BBOF1: variants seen among roughly 807,000 people sequenced by gnomAD.
BBOF1 encodes basal body orientation factor 1.
Under a neutral mutation model 68.0 loss-of-function variants are expected in BBOF1, and 62 were observed. The ratio of observed to expected loss-of-function variants is 0.91; its 90% CI spans 0.74 to 1.13. The LOEUF (loss-of-function observed/expected upper bound fraction) is 1.13. BBOF1 is among the 50% of genes most tolerant of loss of function. The pLI, the probability that BBOF1 is intolerant of heterozygous loss-of-function variation, is 0.00. For missense variants in BBOF1, 534 were observed against 600.1 expected, an observed-to-expected ratio of 0.89 and a Z score of 1.15; for synonymous variants, 208 against 198.8, an observed-to-expected ratio of 1.05 and a Z score of -0.39.
intron 11 of BBOF1, chr14:74,059,626 C>A (rs139735554): frequency 3.4e-5 from 8 of 235,394 alleles, no homozygotes; most frequent in African/African-American, 1.6e-4. Context: ...ACCTGGGAGG[C>A]GGAGGTTGCG....
intron 9 of BBOF1, among the ~76,000 whole-genome samples, chr14:74,076,607 GCT>G (rs1197459979): frequency 6.6e-6 from 1 of 152,120 alleles, no homozygotes; most frequent in Admixed American, 6.6e-5. Flanking sequence ...CATGACCTTG[GCT>G]CACTGCAACC....
chr14:74,036,043 C>T (rs985278428), intron 4 of BBOF1, among the ~76,000 whole-genome samples: 3 of 151,792 alleles, frequency 2.0e-5, no homozygotes. Context: ...TACAGGAATA[C>T]TTTTAAAATA....
At chr14:74,021,478 TAC>T (rs2140934960) in intron 1 of BBOF1, among the ~76,000 whole-genome samples, 1 of 152,060 alleles carries the variant, frequency 6.6e-6, no homozygotes, top group Non-Finnish European at 1.5e-5. Flanking sequence ...TAGTCACAGT[TAC>T]TTAGGAGGCT....
chr14:74,034,613 C>A (rs184717626), intron 4 of BBOF1, among the ~76,000 whole-genome samples: 1 of 152,154 alleles, frequency 6.6e-6, no homozygotes, highest in Non-Finnish European at 1.5e-5. Flanking sequence ...ATTTATGTTA[C>A]CTTTCTGTGC....
Position 74,049,858 on chromosome 14 carries a change from G to C in BBOF1, c.949G>C (p.Ala317Pro), listed in dbSNP as rs759037838. Residue 317 changes from alanine (A) to proline (P), a missense_variant, in exon 8 of 12, where the codon GCA becomes CCA. By Grantham distance (27) the Ala-to-Pro change is conservative. Coordinates refer to ENST00000394009, the MANE Select transcript of BBOF1 (RefSeq NM_025057.3). ...TGAAGTTTTAAAACTGCAGCAACAC[G>C]CAATGATAGAGAACCAAGCAGGTCA... ...ESEVLKLQQH[A>P]MIENQAGQVE... The C allele has an allele frequency of 6.2e-7, 1 of 1,613,990 alleles. No individual in the cohort carries two copies. Among genetic ancestry groups the C allele is most frequent in the Non-Finnish European group, 8.5e-7 (1 of 1,180,040 alleles).
Position 74,040,607 on chromosome 14 carries a change from A to T in BBOF1, c.538A>T (p.Thr180Ser). 1 of 1,595,936 alleles carries T rather than the reference A, an allele frequency of 6.3e-7. No individual in the cohort carries two copies. Among genetic ancestry groups the T allele is most frequent in the East Asian group, 2.2e-5 (1 of 44,482 alleles). ...AAACACAGAGCGGATACATCAGGAG[A>T]CTCTTAGAAGACTGGAAAGCAGATT... Reference protein sequence around the residue: ...LRNTERIHQETLRRLESRFFE... With the variant: ...LRNTERIHQESLRRLESRFFE... Residue 180 changes from threonine (T) to serine (S), a missense_variant, in exon 5 of 12, where the codon ACT becomes TCT. By Grantham distance (58) the Thr-to-Ser change is moderately conservative (BLOSUM62 1). Transcript: ENST00000394009.
chr14:74,082,439 G>A (rs2060679582), intron 12 of BBOF1, among the ~76,000 whole-genome samples: 1 of 112,322 alleles, frequency 8.9e-6, no homozygotes, highest in Non-Finnish European at 1.6e-5. Flanking sequence ...TTGCTCTGTC[G>A]CCCAGGCTGG....
chr14:74,019,671 C>A, intron 1 of BBOF1, 137 bp downstream of exon 1: 1 of 1,403,328 alleles, frequency 7.1e-7, no homozygotes, highest in Non-Finnish European at 9.6e-7. Flanking sequence ...AGGATTACAG[C>A]TCCCATGTCC....
chr14:74,047,639 A>T (rs529190150), intron 6 of BBOF1, among the ~76,000 whole-genome samples: 170 of 152,010 alleles, frequency 1.1e-3, no homozygotes, highest in Admixed American at 2.3e-3. Flanking sequence ...GGGTCTCACT[A>T]TGTTGCCTAG....
chr14:74,081,700 T>C (rs1209035520), intron 12 of BBOF1, among the ~76,000 whole-genome samples: 3 of 152,172 alleles, frequency 2.0e-5, no homozygotes, highest in Admixed American at 2.0e-4. Context: ...ACTTGGCTCT[T>C]TCCCTAGGTC....
At position 74,055,622 on chromosome 14, in the gene BBOF1, C is replaced by A. The variant is rs749768283; in HGVS notation, c.1325C>A (p.Thr442Asn). ...GGAAATGTGGATATTGGAGATTTGACCTGGGAGCAGAAGGAAAAAGTATTG... is the reference window on the plus strand; with the variant it reads ...GGAAATGTGGATATTGGAGATTTGAACTGGGAGCAGAAGGAAAAAGTATTG... ...IEGNVDIGDL[T>N]WEQKEKVLRL... Residue 442 changes from threonine (T) to asparagine (N), a missense_variant, in exon 9 of 12, where the codon ACC becomes AAC. Transcript: ENST00000394009. 5 of 1,613,742 alleles carry A rather than the reference C, an allele frequency of 3.1e-6. No homozygotes were observed. The East Asian group carries it at 1.1e-4, about 36-fold the overall frequency.
chr14:74,060,375 G>T, intron 11 of BBOF1: 1 of 420,030 alleles, frequency 2.4e-6, no homozygotes, highest in Non-Finnish European at 4.4e-6. Flanking sequence ...TAGAAATCAG[G>T]TTTAAGCACT....
At chr14:74,038,642 T>C (rs542429911) in intron 4 of BBOF1, among the ~76,000 whole-genome samples, 7 of 152,172 alleles carry the variant, frequency 4.6e-5, no homozygotes, top group Non-Finnish European at 8.8e-5. Flanking sequence ...TAGAATTCAT[T>C]ATACAAATTA....
chr14:74,052,995 G>C (rs1353633984), intron 8 of BBOF1, among the ~76,000 whole-genome samples: 1 of 150,376 alleles, frequency 6.6e-6, no homozygotes, highest in African/African-American at 2.4e-5. Context: ...TGATGCCACT[G>C]CACTCCAGCC....
chr14:74,025,602 A>G (rs1250064873), intron 2 of BBOF1, among the ~76,000 whole-genome samples: 2 of 152,206 alleles, frequency 1.3e-5, no homozygotes, highest in African/African-American at 4.8e-5. Context: ...TCACAGAATA[A>G]TCTCATTAAA....
intron 12 of BBOF1, among the ~76,000 whole-genome samples, chr14:74,082,393 G>GTTTTT (rs869211328): frequency 2.1e-4 from 16 of 77,604 alleles, no homozygotes; most frequent in East Asian, 5.7e-4. Context: ...CAAAATCGAG[G>GTTTTT]TTTTTTTTTT....
chr14:74,072,125 G>A, intron 9 of BBOF1: 2 of 1,603,144 alleles, frequency 1.2e-6, no homozygotes, highest in Non-Finnish European at 1.7e-6. Flanking sequence ...AAGGGAGGGT[G>A]GCTGAAAAGG....
chr14:74,071,791 T>C lies in BBOF1; in HGVS notation n.1380-6405T>C, dbSNP rs965177673. On this transcript the variant is annotated intron_variant and non_coding_transcript_variant, in intron 9 of 12. Coordinates refer to the BBOF1 transcript ENST00000492026. ...AAGTATTAAAAAAGATATCATGGGA[T>C]GGCAAAATCTATGTAAAGGAAGAAG... 2.0e-6 allele frequency: 3 copies of C among 1,487,400 alleles called. No homozygotes were observed. The African/African-American group carries it at 4.2e-5, about 21-fold the overall frequency. 92.1% of individuals were successfully genotyped at this position (1,487,400 alleles called of 1,614,324 possible).
At chr14:74,023,406 T>G (rs576703330) in intron 2 of BBOF1, among the ~76,000 whole-genome samples, 1 of 152,340 alleles carries the variant, frequency 6.6e-6, no homozygotes, top group South Asian at 2.1e-4. Flanking sequence ...CTTTATGATC[T>G]ACTTTATTTT....
Sources: gnomAD v4.1 joint callset for allele counts (sites outside exome capture counted in the v4.1 genomes callset) on GRCh38, gnomAD v4.1.1 for gene constraint, MANE v1.5 for transcripts, NCBI Gene and HGNC (gene_info 2026-07-23, HGNC 2026-07-21) for gene names.